VWA8: variants seen among roughly 807,000 people sequenced by gnomAD.
VWA8 encodes von Willebrand factor A domain containing 8.
In VWA8, 221 loss-of-function variants were observed where a neutral mutation model predicts 241.5. The observed-to-expected ratio is 0.91, with a 90% CI of 0.82 to 1.02. The LOEUF is 1.02. VWA8 is among the 50% of genes least tolerant of loss of function. The pLI is 0.00. For synonymous variants in VWA8, 852 were observed against 827.1 expected (o/e 1.03, Z -0.52); for missense variants, 2,322 against 2,328.7 (o/e 1.00, Z 0.06).
intron 19 of VWA8, among the ~76,000 whole-genome samples, chr13:41,780,714 C>T (rs1868852047): frequency 6.6e-6 from 1 of 152,164 alleles, no homozygotes. Flanking sequence ...AATCTTGTCA[C>T]CTCATTTCTC....
At chr13:41,922,985 T>A (rs1189487358) in intron 2 of VWA8, among the ~76,000 whole-genome samples, 2 of 152,210 alleles carry the variant, frequency 1.3e-5, no homozygotes, top group African/African-American at 4.8e-5. Flanking sequence ...CACATGCACA[T>A]GTATGTTTAC....
chr13:41,908,211 A>T (rs1330296877), intron 3 of VWA8, among the ~76,000 whole-genome samples: 2 of 152,224 alleles, frequency 1.3e-5, no homozygotes, highest in Non-Finnish European at 2.9e-5. Context: ...CACACCTGTA[A>T]TCCCAGCACT....
At chr13:41,686,716 T>A (rs892905137) in intron 34 of VWA8, among the ~76,000 whole-genome samples, 5 of 152,168 alleles carry the variant, frequency 3.3e-5, no homozygotes, top group African/African-American at 7.2e-5. Flanking sequence ...TTCATATATT[T>A]ACTTTCTTGC....
intron 29 of VWA8, chr13:41,695,940 T>A (rs1275735874): frequency 6.6e-6 from 1 of 152,366 alleles, no homozygotes; most frequent in Middle Eastern, 3.4e-3. Context: ...AAAGAATTTG[T>A]GTATGTAAAT....
intron 2 of VWA8, among the ~76,000 whole-genome samples, chr13:41,940,616 C>G (rs1877554125): frequency 6.6e-6 from 1 of 152,146 alleles, no homozygotes; most frequent in Non-Finnish European, 1.5e-5. Context: ...TGCACAAAAA[C>G]ATGTATTATG....
intron 9 of VWA8, among the ~76,000 whole-genome samples, chr13:41,879,218 T>C (rs1874049286): frequency 6.6e-6 from 1 of 152,180 alleles, no homozygotes; most frequent in African/African-American, 2.4e-5. Flanking sequence ...AACCTTGAAG[T>C]GAACTATATT....
chr13:41,815,121 T>G (rs1351126050), intron 16 of VWA8, among the ~76,000 whole-genome samples: 1 of 152,024 alleles, frequency 6.6e-6, no homozygotes, highest in Non-Finnish European at 1.5e-5. Context: ...AAGAATAATC[T>G]AGGTAGAGGA....
intron 42 of VWA8, among the ~76,000 whole-genome samples, chr13:41,581,645 T>C (rs1346701358): frequency 1.3e-5 from 2 of 152,120 alleles, no homozygotes; most frequent in African/African-American, 4.8e-5. Context: ...AGAAAACCAC[T>C]GCCCTAGGAT....
At position 41,614,898 on chromosome 13, in the gene VWA8, C is replaced by T; in HGVS notation, c.4720+78G>A. 2.1e-6 allele frequency: 3 copies of T among 1,426,644 alleles called. No homozygotes were observed. In the South Asian group the frequency reaches 3.5e-5, roughly 17 times the overall value. 88.4% of individuals were successfully genotyped at this position (1,426,644 alleles called of 1,614,324 possible). On this transcript the variant is annotated intron_variant, in intron 38 of 44. Coordinates refer to ENST00000379310, the MANE Select transcript of VWA8 (RefSeq NM_015058.2). ...GAAGGAAAGCCCGTCTCTGAGTCTT[C>T]TCAGGGGCGATGTGCTGGCCTAATG...
chr13:41,951,542 G>A (rs1878138697), intron 1 of VWA8, among the ~76,000 whole-genome samples: 1 of 152,200 alleles, frequency 6.6e-6, no homozygotes, highest in Non-Finnish European at 1.5e-5. Flanking sequence ...ATCTTCTAAA[G>A]CCGAGGACTA....
chr13:41,875,733 G>A (rs1192715175), intron 9 of VWA8, among the ~76,000 whole-genome samples: 1 of 151,826 alleles, frequency 6.6e-6, no homozygotes, highest in African/African-American at 2.4e-5. Context: ...TTCAGGAGTG[G>A]AACTTTTTAT....
intron 20 of VWA8, among the ~76,000 whole-genome samples, chr13:41,770,803 G>A (rs1006503544): frequency 1.3e-5 from 2 of 149,770 alleles, no homozygotes; most frequent in African/African-American, 2.5e-5. Flanking sequence ...TTTTAGTAAG[G>A]GCAAAAAATA....
chr13:41,729,499 C>A, intron 23 of VWA8, 43 bp downstream of exon 23: 1 of 1,579,468 alleles, frequency 6.3e-7, no homozygotes, highest in Non-Finnish European at 8.6e-7. Flanking sequence ...GAGATATAAA[C>A]ATTGTATTTA....
intron 12 of VWA8, among the ~76,000 whole-genome samples, chr13:41,857,915 T>C (rs1872823802): frequency 6.6e-6 from 1 of 152,206 alleles, no homozygotes. Context: ...TGGGTGGGCT[T>C]CATCTAATCA....
chr13:41,863,147 A>C (rs1383133125), intron 12 of VWA8, among the ~76,000 whole-genome samples: 1 of 151,954 alleles, frequency 6.6e-6, no homozygotes, highest in Admixed American at 6.6e-5. Context: ...CTGCCAGCCA[A>C]TATAAAGCAG....
In VWA8 at chr13:41,819,377, A is replaced by G; in HGVS notation, c.1710T>C (p.Phe570=). The change falls in exon 15 of 45, where the codon TTT becomes TTC. Residue 570 remains phenylalanine, a synonymous_variant. Transcript: ENST00000379310. ...TGATTCTGAAGGAGGGATGGATAGG[A>G]AAAATGGATCTAAAATAGGAAAAAA... ...SDEQLQKRSI[F]PIHPSFRIIA... 6.3e-7 allele frequency: 1 copy of G among 1,599,386 alleles called. No individual in the cohort carries two copies.
At chr13:41,718,413 A>G (rs1025359248) in intron 26 of VWA8, among the ~76,000 whole-genome samples, 2 of 151,938 alleles carry the variant, frequency 1.3e-5, no homozygotes, top group Non-Finnish European at 2.9e-5. Flanking sequence ...CTAATCCATC[A>G]GTAAAATAGC....
At chr13:41,759,409 G>A in intron 21 of VWA8, among the ~76,000 whole-genome samples, 1 of 150,716 alleles carries the variant, frequency 6.6e-6, no homozygotes, top group East Asian at 1.9e-4. Flanking sequence ...TGTTTTTTTT[G>A]TTTATTCTGC....
chr13:41,594,177 A>G (rs1434820301), intron 40 of VWA8, among the ~76,000 whole-genome samples: 3 of 150,554 alleles, frequency 2.0e-5, no homozygotes, highest in African/African-American at 7.3e-5. Context: ...GTGCAGTGGT[A>G]CGATCATAGC....
Sources: allele counts gnomAD v4.1 joint callset (sites outside exome capture counted in the v4.1 genomes callset), GRCh38; gene constraint gnomAD v4.1.1; transcripts MANE v1.5; gene names NCBI Gene and HGNC (gene_info 2026-07-23, HGNC 2026-07-21).